Variants in DYSF observed in about 807,000 individuals in gnomAD.
DYSF encodes the protein dystrophy-associated fer-1-like 1.
A neutral mutation model predicts 274.9 loss-of-function variants in DYSF; 212 were observed. That is an observed-to-expected ratio of 0.77 (90% confidence interval 0.69 to 0.86). DYSF has a LOEUF of 0.86. Ranked by LOEUF, DYSF falls within the 40% of genes least tolerant of loss-of-function variation. The pLI is 0.00. For synonymous variants in DYSF, 1,091 were observed against 1,078.7 expected, an observed-to-expected ratio of 1.01 and a Z score of -0.22; for missense variants, 2,666 against 2,783.2, an observed-to-expected ratio of 0.96 and a Z score of 0.95.
At chr2:71,562,688 G>A (rs940298679) in intron 23 of DYSF, among the ~76,000 whole-genome samples, 1 of 152,216 alleles carries the variant, frequency 6.6e-6, no homozygotes, top group Non-Finnish European at 1.5e-5. Flanking sequence ...AGTGTGAGAA[G>A]GGCAGGGCCA....
rs760974476 is a variant in DYSF at position 71,598,669 on chromosome 2, A to T, written c.3680A>T (p.Glu1227Val). The change falls in exon 33 of 56, where the codon GAG (glutamate) becomes GTG (valine). Residue 1227 changes from glutamate (E) to valine (V), a missense_variant. Physicochemically the swap from Glu to Val is moderately radical, Grantham distance 121 (BLOSUM62 -2). Transcript: ENST00000410020. ...WDQTLIFYEI[E>V]IFGEPATVAE... is the part of the protein sequence containing the mutation. ...CAGACGCTCATCTTCTACGAGATCG[A>T]GATCTTTGGCGAGCCGGCCACAGTT... 1.9e-6 allele frequency: 3 copies of T among 1,614,050 alleles called. No homozygotes were observed. In the Admixed American group the frequency reaches 5.0e-5, roughly 27 times the overall value.
chr2:71,525,311 G>A (rs1162908898), intron 12 of DYSF, among the ~76,000 whole-genome samples: 1 of 152,086 alleles, frequency 6.6e-6, no homozygotes, highest in Non-Finnish European at 1.5e-5. Flanking sequence ...TGCAACCTCT[G>A]CTTCCCAGGT....
At chr2:71,461,509 T>A (rs1476528965) in intron 1 of DYSF, among the ~76,000 whole-genome samples, 3 of 152,218 alleles carry the variant, frequency 2.0e-5, no homozygotes, top group Non-Finnish European at 4.4e-5. Context: ...GCCTTGCCCT[T>A]TGGCCCGAGG....
intron 42 of DYSF, among the ~76,000 whole-genome samples, chr2:71,653,287 T>G (rs2094700085): frequency 6.6e-6 from 1 of 152,170 alleles, no homozygotes; most frequent in African/African-American, 2.4e-5. Context: ...AAATACCATT[T>G]GACCCAGCCA....
chr2:71,454,869 A>G (rs2080989056), intron 1 of DYSF, among the ~76,000 whole-genome samples: 1 of 106,928 alleles, frequency 9.4e-6, no homozygotes, highest in Non-Finnish European at 2.1e-5. Flanking sequence ...CTCTCCAGGA[A>G]CCCTTCAGGA....
Position 71,561,814 on chromosome 2 carries a change from A to G in DYSF, c.2279A>G (p.Gln760Arg). The change falls in exon 23 of 56, where the codon CAG becomes CGG. Residue 760 changes from glutamine to arginine, a missense_variant. Transcript: ENST00000410020. ...SATHLDQYLY[Q>R]LRTHHLSQIT... ...ACCCACCTGGACCAGTACCTGTACC[A>G]GCTGCGCACCCATCACCTGAGCCAA... The G allele has an allele frequency of 6.2e-7, 1 of 1,614,194 alleles. No homozygotes were observed. The highest frequency in any genetic ancestry group is 8.5e-7 in the Non-Finnish European group (1 of 1,180,034).
intron 4 of DYSF, among the ~76,000 whole-genome samples, chr2:71,507,022 G>A (rs1404303694): frequency 2.0e-5 from 3 of 152,134 alleles, no homozygotes; most frequent in Non-Finnish European, 4.4e-5. Flanking sequence ...GGAAACCCCA[G>A]AAGGGGCTGC....
chr2:71,654,986 G>A (rs1572987389), intron 42 of DYSF, among the ~76,000 whole-genome samples: 2 of 152,064 alleles, frequency 1.3e-5, no homozygotes, highest in East Asian at 3.9e-4. Context: ...CCAGCTACAG[G>A]AGGCTAAGGT....
At chr2:71,683,473 A>G (rs2095320051) in intron 55 of DYSF, among the ~76,000 whole-genome samples, 7 of 152,226 alleles carry the variant, frequency 4.6e-5, no homozygotes, top group Admixed American at 4.6e-4. Context: ...GGGTTGCAGC[A>G]TTCTCAGGCT....
Position 71,513,268 on chromosome 2 carries a change from G to T in DYSF, c.489G>T (p.Trp163Cys). The change falls in exon 6 of 56, where the codon TGG becomes TGT. Residue 163 changes from tryptophan (W) to cysteine (C), a missense_variant. Trp to Cys is a radical substitution (Grantham distance 215). This residue lies in a region of DYSF where 794 missense variants were observed against 777.1 expected (regional missense o/e 1.02). Transcript: ENST00000410020. ...GGGGACAGAGCCGGGCCGAGACTTG[G>T]TCCCTGCTCAGTGACAGCACCATGG... is the stretch of plus-strand genomic sequence containing the variant. ...AGGGQSRAET[W>C]SLLSDSTMDT... 6.4e-7 allele frequency: 1 copy of T among 1,551,634 alleles called. No homozygotes were observed. Among genetic ancestry groups the T allele is most frequent in the South Asian group, 1.2e-5 (1 of 84,060 alleles).
intron 14 of DYSF, among the ~76,000 whole-genome samples, chr2:71,531,851 T>C (rs1443413528): frequency 2.0e-5 from 3 of 152,050 alleles, no homozygotes; most frequent in African/African-American, 7.2e-5. Context: ...GACTCAGCAA[T>C]GTATATTAAA....
rs1253155257 is a variant in DYSF, at chr2:71,611,320, C to T, written c.4033C>T (p.Pro1345Ser). ...CTACATGGTTCCTCAGAACATCAAG[C>T]CAGCGCTCCAGCGTACCGCCATCGA... ...NIYMVPQNIK[P>S]ALQRTAIEIL... The change falls in exon 37 of 56, where the codon CCA (proline) becomes TCA (serine). Residue 1345 changes from proline to serine, a missense_variant. By Grantham distance (74) the Pro-to-Ser change is moderately conservative (BLOSUM62 -1). This residue lies in a region of DYSF where 1,460 missense variants were observed against 1,502.1 expected (regional missense o/e 0.97). Coordinates refer to ENST00000410020, the MANE Select transcript of DYSF (RefSeq NM_001130987.2). 2 of 1,613,868 alleles carry T rather than the reference C, an allele frequency of 1.2e-6. No individual in the cohort carries two copies. Among genetic ancestry groups the T allele is most frequent in the Admixed American group, 3.3e-5 (2 of 60,006 alleles).
chr2:71,461,212 TAA>T (rs1330610411), intron 1 of DYSF, among the ~76,000 whole-genome samples: 1 of 152,182 alleles, frequency 6.6e-6, no homozygotes, highest in Non-Finnish European at 1.5e-5. Context: ...GTGATTACGC[TAA>T]TAGTTATTCC....
At chr2:71,455,231 T>C (rs140469753) in intron 1 of DYSF, among the ~76,000 whole-genome samples, 186 of 152,328 alleles carry the variant, frequency 1.2e-3, no homozygotes, top group African/African-American at 3.9e-3. Context: ...AGCACAGGCC[T>C]GTGTCCAGCT....
chr2:71,512,264 C>T (rs1237906751), intron 5 of DYSF, among the ~76,000 whole-genome samples: 1 of 152,186 alleles, frequency 6.6e-6, no homozygotes, highest in Non-Finnish European at 1.5e-5. Context: ...GGGTCTGACC[C>T]AGGTGATACC....
chr2:71,535,103 C>G lies in DYSF; in HGVS notation c.1449+14C>G. On this transcript the variant is annotated intron_variant, in intron 15 of 55. Transcript: ENST00000410020. The stretch of plus-strand genomic sequence containing the variant: ...CTGCCTGCCATGGTGAGCCTCCTGC[C>G]CCCAGCAAACCCAAGGAGGCCCCTG... 1 of 1,613,932 alleles carries G rather than the reference C, an allele frequency of 6.2e-7. No homozygotes were observed. The highest frequency in any genetic ancestry group is 1.1e-5 in the South Asian group (1 of 91,066).
intron 3 of DYSF, among the ~76,000 whole-genome samples, chr2:71,493,851 CAAA>C (rs145288384): frequency 2.2e-4 from 15 of 69,318 alleles, no homozygotes; most frequent in Admixed American, 1.2e-3. Flanking sequence ...TACTCTGTCT[CAAA>C]AAAAAAAAAA....
intron 47 of DYSF, among the ~76,000 whole-genome samples, chr2:71,665,988 G>A (rs915490448): frequency 1.3e-5 from 2 of 152,162 alleles, no homozygotes; most frequent in Non-Finnish European, 2.9e-5. Flanking sequence ...TGATGTCAGA[G>A]CTGGTGCCAA....
At chr2:71,618,604 G>GTGT (rs762202789) in intron 40 of DYSF, among the ~76,000 whole-genome samples, 444 of 25,134 alleles carry the variant, frequency 0.018, no homozygotes, top group African/African-American at 0.042. Flanking sequence ...TGGTAGAGGT[G>GTGT]GTGGGTGTGG....
Sources: gnomAD v4.1 joint callset for allele counts (sites outside exome capture counted in the v4.1 genomes callset) on GRCh38, gnomAD v4.1.1 for gene constraint, gnomAD v4.1.1 regional missense constraint, MANE v1.5 for transcripts, NCBI Gene and HGNC (gene_info 2026-07-23, HGNC 2026-07-21) for gene names.